PRKCE: variants seen among roughly 807,000 people sequenced by gnomAD.
PRKCE encodes the protein protein kinase C epsilon, also known as protein kinase C epsilon type.
In PRKCE, 16 loss-of-function variants were observed where a neutral mutation model predicts 85.4. That is an observed-to-expected ratio of 0.19 (90% CI 0.13 to 0.28). The LOEUF (loss-of-function observed/expected upper bound fraction) is 0.28, where lower values mean the gene tolerates loss of function less well. Ranked by LOEUF, PRKCE falls within the 10% of genes least tolerant of loss-of-function variation. The pLI is 1.00. For synonymous variants in PRKCE, 388 were observed against 371.5 expected (o/e 1.04, Z -0.51); for missense variants, 573 against 975.2 (o/e 0.59, Z 5.49).
At chr2:46,093,380 G>C (rs760182257) in intron 11 of PRKCE, among the ~76,000 whole-genome samples, 1 of 150,086 alleles carries the variant, frequency 6.7e-6, no homozygotes, top group South Asian at 2.1e-4. Context: ...GTTCTACATG[G>C]TGTTTTGGTT....
At chr2:45,705,195 C>A (rs76107821) in intron 1 of PRKCE, among the ~76,000 whole-genome samples, 3,937 of 152,294 alleles carry the variant, frequency 0.026, 175 homozygotes, top group African/African-American at 0.091. Context: ...TACATGTGCC[C>A]AGTTCTGTGG....
intron 1 of PRKCE, among the ~76,000 whole-genome samples, chr2:45,698,163 T>C (rs928847025): frequency 1.3e-5 from 2 of 152,208 alleles, no homozygotes; most frequent in Non-Finnish European, 2.9e-5. Context: ...CACGCTCATT[T>C]TGTGGGCAAG....
chr2:45,912,666 C>T (rs759862047), intron 2 of PRKCE, among the ~76,000 whole-genome samples: 2 of 152,084 alleles, frequency 1.3e-5, no homozygotes, highest in African/African-American at 2.4e-5. Context: ...GACTTAGGAA[C>T]GCACCTTAGA....
chr2:45,752,420 T>A (rs376277164), intron 1 of PRKCE, among the ~76,000 whole-genome samples: 2 of 152,174 alleles, frequency 1.3e-5, no homozygotes, highest in African/African-American at 4.8e-5. Context: ...CTCCTACATC[T>A]ACTGAGATAT....
chr2:45,899,566 A>G (rs1481453782), intron 2 of PRKCE, among the ~76,000 whole-genome samples: 1 of 151,930 alleles, frequency 6.6e-6, no homozygotes, highest in Admixed American at 6.6e-5. Context: ...ATTTTTTTGT[A>G]GAGACGGGGC....
At chr2:46,170,778 T>C (rs1301317812) in intron 14 of PRKCE, among the ~76,000 whole-genome samples, 2 of 152,196 alleles carry the variant, frequency 1.3e-5, no homozygotes, top group Non-Finnish European at 2.9e-5. Flanking sequence ...GAGGCACATA[T>C]TAGAATGTTT....
chr2:46,053,128 A>G (rs1259056816), intron 10 of PRKCE, among the ~76,000 whole-genome samples: 1 of 152,242 alleles, frequency 6.6e-6, no homozygotes, highest in Non-Finnish European at 1.5e-5. Flanking sequence ...TTTCAAAGAA[A>G]TAACTGAATG....
intron 11 of PRKCE, among the ~76,000 whole-genome samples, chr2:46,096,250 C>T (rs1014831660): frequency 6.6e-6 from 1 of 152,232 alleles, no homozygotes; most frequent in African/African-American, 2.4e-5. Flanking sequence ...GCAAACCTCT[C>T]TGGACTGCTT....
rs548203773 is a variant in PRKCE at position 45,973,237 on chromosome 2, C to G, written c.413-3192C>G. ...TGAGGGACCTAGTAGCTCCCCTTTTCACATTGTATAGGCCACTTTCTTCTC... is the reference window on the plus strand; with the variant it reads ...TGAGGGACCTAGTAGCTCCCCTTTTGACATTGTATAGGCCACTTTCTTCTC... On this transcript the variant is annotated intron_variant, in intron 2 of 14. Transcript: ENST00000306156. 2.1e-3 allele frequency among the ~76,000 whole-genome samples: 321 copies of G among 152,310 alleles called. 2 individuals carry two copies. The highest frequency in any genetic ancestry group is 7.6e-3 in the African/African-American group (314 of 41,570).
At chr2:46,038,600 T>C (rs911308536) in intron 10 of PRKCE, among the ~76,000 whole-genome samples, 7 of 151,704 alleles carry the variant, frequency 4.6e-5, no homozygotes, top group Non-Finnish European at 7.4e-5. Context: ...TCATGGTCTT[T>C]GGTGTAGTAT....
Position 46,187,926 on chromosome 2 carries a change from G to T in PRKCE, c.*3045G>T, listed in dbSNP as rs1680559954. On this transcript the variant is annotated 3_prime_UTR_variant, in exon 15 of 15. Coordinates refer to ENST00000306156, the MANE Select transcript of PRKCE (RefSeq NM_005400.3). ...TAAACGTTATTGTGCCAAATGTACT[G>T]TATTCAAAAGGATGTGAATGTGTAT... The T allele has an allele frequency of 6.6e-6, 1 of 151,796 alleles. No homozygotes were observed. Among genetic ancestry groups the T allele is most frequent in the South Asian group, 2.1e-4 (1 of 4,804 alleles). 9.4% of individuals were successfully genotyped at this position (151,796 alleles called of 1,614,324 possible).
At position 46,056,241 on chromosome 2, in the gene PRKCE, C is replaced by CTT. The variant is rs796683208; in HGVS notation, c.1438-29954_1438-29953dup. 3.9e-3 allele frequency among the ~76,000 whole-genome samples: 568 copies of CTT among 144,090 alleles called. 6 individuals carry two copies. Among genetic ancestry groups the CTT allele is most frequent in the African/African-American group, 0.014 (534 of 39,318 alleles). The allele number at this position is 144,090 out of a possible 152,430, so 94.5% of individuals were successfully genotyped here. A position where few individuals can be genotyped will look rare whatever the true frequency, so the allele number is the denominator to read the frequency against. On this transcript the variant is annotated intron_variant, in intron 10 of 14. Coordinates refer to ENST00000306156, the MANE Select transcript of PRKCE (RefSeq NM_005400.3). ...TTCTTCACGGTTAATGTTCTTGAACCTTTTTTTTTTTTTTCCATTTCATCC... is the reference window on the plus strand; with the variant it reads ...TTCTTCACGGTTAATGTTCTTGAACCTTTTTTTTTTTTTTTTCCATTTCATCC...
chr2:45,949,104 CT>C (rs968429331), intron 2 of PRKCE, among the ~76,000 whole-genome samples: 12 of 152,154 alleles, frequency 7.9e-5, no homozygotes, highest in African/African-American at 2.9e-4. Flanking sequence ...GTGCAAATCT[CT>C]CTAAGATATA....
chr2:45,981,190 A>G (rs1702864481), intron 5 of PRKCE, among the ~76,000 whole-genome samples: 1 of 152,222 alleles, frequency 6.6e-6, no homozygotes, highest in South Asian at 2.1e-4. Flanking sequence ...CCACTGATAG[A>G]TTAAAAAACC....
At chr2:45,701,810 T>C (rs1417333500) in intron 1 of PRKCE, among the ~76,000 whole-genome samples, 1 of 152,168 alleles carries the variant, frequency 6.6e-6, no homozygotes, top group Non-Finnish European at 1.5e-5. Context: ...TTAGAAAACA[T>C]CTGGATTCTT....
chr2:46,053,621 G>A (rs1374088244), intron 10 of PRKCE, among the ~76,000 whole-genome samples: 1 of 152,030 alleles, frequency 6.6e-6, no homozygotes, highest in Non-Finnish European at 1.5e-5. Flanking sequence ...TTTGTGTCTG[G>A]CCTATTTCAC....
intron 1 of PRKCE, among the ~76,000 whole-genome samples, chr2:45,712,454 C>T (rs1408490202): frequency 6.6e-6 from 1 of 152,164 alleles, no homozygotes; most frequent in East Asian, 1.9e-4. Flanking sequence ...CTGCGCCCGG[C>T]CTGTCCTGTC....
chr2:45,995,130 T>A (rs1204053859), intron 6 of PRKCE, among the ~76,000 whole-genome samples: 2 of 152,192 alleles, frequency 1.3e-5, no homozygotes, highest in South Asian at 2.1e-4. Context: ...ATTGGGTTAT[T>A]CATTTTGTTA....
intron 2 of PRKCE, among the ~76,000 whole-genome samples, chr2:45,969,106 G>A (rs1171804562): frequency 2.0e-5 from 3 of 151,418 alleles, no homozygotes; most frequent in Non-Finnish European, 4.4e-5. Context: ...TTGAATCAAG[G>A]AGAAACCATC....
Sources: allele counts gnomAD v4.1 joint callset (sites outside exome capture counted in the v4.1 genomes callset), GRCh38; gene constraint gnomAD v4.1.1; transcripts MANE v1.5; gene names NCBI Gene and HGNC (gene_info 2026-07-23, HGNC 2026-07-21).